Variants in RAB27A observed in about 807,000 individuals in gnomAD.
RAB27A encodes the protein ras-related protein Rab-27A.
Under a neutral mutation model 20.8 loss-of-function variants are expected in RAB27A, and 17 were observed. The observed-to-expected ratio is 0.82, with a 90% CI of 0.56 to 1.23. The LOEUF is 1.23. RAB27A is among the 50% of genes most tolerant of loss of function. The probability of loss-of-function intolerance (pLI) is 0.00; values close to 1 mark genes in which losing one functional copy is unlikely to be tolerated. For synonymous variants in RAB27A, 85 were observed against 92.8 expected (o/e 0.92, Z 0.48); for missense variants, 277 against 266.7 (o/e 1.04, Z -0.27).
intron 6 of RAB27A, among the ~76,000 whole-genome samples, chr15:55,216,145 C>T (rs1895292438): frequency 6.6e-6 from 1 of 152,100 alleles, no homozygotes; most frequent in African/African-American, 2.4e-5. Flanking sequence ...GCACTTAGAT[C>T]AGAACCTGAC....
intron 2 of RAB27A, among the ~76,000 whole-genome samples, chr15:55,251,369 G>A (rs533444677): frequency 3.3e-5 from 5 of 152,114 alleles, no homozygotes; most frequent in Non-Finnish European, 7.4e-5. Flanking sequence ...AATGAGTCCT[G>A]GAAAAATCGA....
intron 6 of RAB27A, among the ~76,000 whole-genome samples, chr15:55,220,550 T>C (rs533818944): frequency 1.5e-3 from 225 of 152,292 alleles, no homozygotes; most frequent in African/African-American, 5.1e-3. Flanking sequence ...GCATTGCAGG[T>C]ATGAGCCACC....
At chr15:55,257,968 G>C (rs1274661077) in intron 2 of RAB27A, among the ~76,000 whole-genome samples, 1 of 151,314 alleles carries the variant, frequency 6.6e-6, no homozygotes, top group Admixed American at 6.6e-5. Context: ...ACTCCAGGCT[G>C]AGGCACGAGA....
chr15:55,234,093 G>A (rs1243034372), intron 3 of RAB27A, among the ~76,000 whole-genome samples: 1 of 152,104 alleles, frequency 6.6e-6, no homozygotes, highest in Non-Finnish European at 1.5e-5. Flanking sequence ...CTGACAACTG[G>A]TTTACCTGCT....
intron 6 of RAB27A, among the ~76,000 whole-genome samples, chr15:55,211,118 T>C (rs1457584264): frequency 1.3e-5 from 2 of 152,204 alleles, no homozygotes; most frequent in African/African-American, 4.8e-5. Flanking sequence ...CATTGGCCTA[T>C]GTGTCTGTTT....
At chr15:55,239,589 G>A (rs1293855845) in intron 2 of RAB27A, among the ~76,000 whole-genome samples, 1 of 152,156 alleles carries the variant, frequency 6.6e-6, no homozygotes, top group Non-Finnish European at 1.5e-5. Context: ...TATGTGATGA[G>A]TGACACAGGC....
At chr15:55,264,382 C>T (rs1897386121) in intron 2 of RAB27A, among the ~76,000 whole-genome samples, 1 of 152,094 alleles carries the variant, frequency 6.6e-6, no homozygotes, top group South Asian at 2.1e-4. Context: ...TTTCTACAAA[C>T]CTTTAATCAC....
intron 2 of RAB27A, among the ~76,000 whole-genome samples, chr15:55,251,449 G>A (rs1463992610): frequency 6.6e-6 from 1 of 152,176 alleles, no homozygotes; most frequent in Non-Finnish European, 1.5e-5. Flanking sequence ...TGTCCTTAAA[G>A]GGGCAAGAGA....
intron 2 of RAB27A, among the ~76,000 whole-genome samples, chr15:55,310,102 C>G (rs140450989): frequency 1.3e-5 from 2 of 152,044 alleles, no homozygotes; most frequent in Non-Finnish European, 2.9e-5. Flanking sequence ...GAATGTCTCT[C>G]CCTAACAAGG....
chr15:55,267,703 A>G (rs909343982), intron 2 of RAB27A, among the ~76,000 whole-genome samples: 1 of 152,238 alleles, frequency 6.6e-6, no homozygotes, highest in Admixed American at 6.5e-5. Context: ...AATAATAGCA[A>G]AAGATGAGCA....
chr15:55,256,332 T>A (rs1432342123), intron 2 of RAB27A, among the ~76,000 whole-genome samples: 1 of 152,144 alleles, frequency 6.6e-6, no homozygotes, highest in Admixed American at 6.5e-5. Context: ...GAGGATCACT[T>A]GAGCCCAAGA....
At chr15:55,293,754 TAAA>T (rs1269607985), upstream of RAB27A, among the ~76,000 whole-genome samples, 1 of 152,058 alleles carries the variant, frequency 6.6e-6, no homozygotes, top group Non-Finnish European at 1.5e-5. Flanking sequence ...CCGTCTCTAC[TAAA>T]AATACAAAAT....
chr15:55,251,797 T>G (rs997496084), intron 2 of RAB27A, among the ~76,000 whole-genome samples: 2 of 152,236 alleles, frequency 1.3e-5, no homozygotes, highest in African/African-American at 4.8e-5. Context: ...CTTCATTTTC[T>G]TTCTATGAAT....
At chr15:55,303,131 TG>T (rs1313917138) in intron 2 of RAB27A, among the ~76,000 whole-genome samples, 9 of 92,076 alleles carry the variant, frequency 9.8e-5, no homozygotes, top group South Asian at 4.2e-4. Flanking sequence ...GGGAGGGAGG[TG>T]GGGGGGTCAG....
chr15:55,282,830 C>T (rs541856004), intron 1 of RAB27A, among the ~76,000 whole-genome samples: 4 of 152,256 alleles, frequency 2.6e-5, no homozygotes, highest in East Asian at 1.9e-4. Flanking sequence ...GGCACCTCCA[C>T]GAGAACCCCA....
chr15:55,293,651 C>T (rs965230587), upstream of RAB27A, among the ~76,000 whole-genome samples: 2 of 152,086 alleles, frequency 1.3e-5, no homozygotes, highest in Non-Finnish European at 2.9e-5. Context: ...GGCGCGGTGG[C>T]TCACGCTTGT....
At chr15:55,271,071 C>T (rs998921112) in intron 1 of RAB27A, among the ~76,000 whole-genome samples, 4 of 152,124 alleles carry the variant, frequency 2.6e-5, no homozygotes, top group African/African-American at 9.7e-5. Flanking sequence ...TATAATAAAC[C>T]ACTTATTTGG....
intron 2 of RAB27A, among the ~76,000 whole-genome samples, chr15:55,298,118 T>C (rs1167349716): frequency 6.7e-6 from 1 of 149,296 alleles, no homozygotes; most frequent in East Asian, 2.0e-4. Flanking sequence ...GGCAGGAGAA[T>C]GGTGTGAACC....
At chr15:55,250,113 C>A (rs1289231794) in intron 2 of RAB27A, among the ~76,000 whole-genome samples, 1 of 152,058 alleles carries the variant, frequency 6.6e-6, no homozygotes, top group Admixed American at 6.6e-5. Flanking sequence ...AAGGCCTGCG[C>A]AACCACGCCC....
Sources: gnomAD v4.1 joint callset for allele counts (sites outside exome capture counted in the v4.1 genomes callset) on GRCh38, gnomAD v4.1.1 for gene constraint, MANE v1.5 for transcripts, NCBI Gene and HGNC (gene_info 2026-07-23, HGNC 2026-07-21) for gene names.